The following TCP11L1 variants were observed in gnomAD, a reference collection of about 807,000 sequenced individuals.
The protein encoded by TCP11L1 is t-complex 11 like 1.
In TCP11L1, 28 loss-of-function variants were observed where a neutral mutation model predicts 48.9. The observed-to-expected ratio is 0.57, with a 90% confidence interval of 0.42 to 0.78. The LOEUF is 0.78. Ranked by LOEUF, TCP11L1 falls within the 30% of genes least tolerant of loss-of-function variation. The probability of loss-of-function intolerance (pLI) is 0.00; values close to 1 mark genes in which losing one functional copy is unlikely to be tolerated. For missense variants in TCP11L1, 505 were observed against 613.4 expected (o/e 0.82, Z 1.87); for synonymous variants, 204 against 231.9 (o/e 0.88, Z 1.09).
chr11:33,065,776 C>G, intron 7 of TCP11L1, 54 bp from the exon 8 acceptor site: 1 of 1,579,612 alleles, frequency 6.3e-7, no homozygotes, highest in Non-Finnish European at 8.6e-7. Flanking sequence ...CTCCCGCCCT[C>G]TGCTGGCCAA....
intron 7 of TCP11L1, among the ~76,000 whole-genome samples, chr11:33,063,360 A>G (rs576019156): frequency 1.2e-4 from 19 of 152,178 alleles, no homozygotes; most frequent in Admixed American, 2.0e-4. Flanking sequence ...GCTGGGTTAC[A>G]TGGTGACTCT....
chr11:33,060,374 A>T (rs915584878), intron 6 of TCP11L1, among the ~76,000 whole-genome samples: 38 of 152,176 alleles, frequency 2.5e-4, no homozygotes, highest in Non-Finnish European at 1.0e-4. Context: ...GAATATTATC[A>T]GCAGAAGAGA....
chr11:33,049,248 C>CAAAA (rs3078634), intron 2 of TCP11L1, among the ~76,000 whole-genome samples: 4 of 127,724 alleles, frequency 3.1e-5, no homozygotes, highest in Admixed American at 8.3e-5. Flanking sequence ...GACTCCGTCT[C>CAAAA]AAAAAAAAAA....
chr11:33,044,929 G>A (rs1853944745), intron 2 of TCP11L1, among the ~76,000 whole-genome samples: 1 of 152,260 alleles, frequency 6.6e-6, no homozygotes, highest in East Asian at 1.9e-4. Context: ...ATATTTCTTG[G>A]GGTAGCAGTA....
At chr11:33,039,870 C>G (rs1307421049) in intron 1 of TCP11L1, 78 bp downstream of exon 1, 1 of 152,450 alleles carries the variant, frequency 6.6e-6, no homozygotes, top group Non-Finnish European at 1.5e-5. Flanking sequence ...CATCTCTTCG[C>G]CTCTTCCCGT....
chr11:33,043,669 G>A lies in TCP11L1; in HGVS notation c.-24-81G>A. The A allele has an allele frequency of 2.4e-6, 3 of 1,240,972 alleles. No homozygotes were observed. In the South Asian group the frequency reaches 4.7e-5, roughly 19 times the overall value. 76.9% of individuals were successfully genotyped at this position (1,240,972 alleles called of 1,614,324 possible). A position where few individuals can be genotyped will look rare whatever the true frequency, so the allele number is the denominator to read the frequency against. On this transcript the variant is annotated intron_variant, in intron 1 of 9. Transcript: ENST00000334274. ...AAACTGAAACCCAAAGAGGTTAAAT[G>A]ATTTGCCCTGAGTCACATTGCTAGT...
At chr11:33,050,010 G>T (rs1016464937) in intron 2 of TCP11L1, among the ~76,000 whole-genome samples, 1 of 152,166 alleles carries the variant, frequency 6.6e-6, no homozygotes, top group African/African-American at 2.4e-5. Context: ...TTGTGTCCCT[G>T]GGTACTTGAG....
chr11:33,051,064 G>A (rs192932088), intron 2 of TCP11L1, among the ~76,000 whole-genome samples: 9 of 152,208 alleles, frequency 5.9e-5, no homozygotes, highest in Admixed American at 5.2e-4. Context: ...TTGCACCTTG[G>A]CCTCCCAAAG....
chr11:33,064,432 A>C (rs1430979568), intron 7 of TCP11L1, among the ~76,000 whole-genome samples: 1 of 152,202 alleles, frequency 6.6e-6, no homozygotes, highest in African/African-American at 2.4e-5. Flanking sequence ...GACAGCAAGA[A>C]AGGTCCTTAG....
intron 2 of TCP11L1, among the ~76,000 whole-genome samples, chr11:33,047,811 A>G (rs1204131476): frequency 6.6e-6 from 1 of 152,196 alleles, no homozygotes; most frequent in Non-Finnish European, 1.5e-5. Flanking sequence ...CAACAACATA[A>G]TAAGTACTAT....
chr11:33,042,169 T>C (rs7110751), intron 1 of TCP11L1, among the ~76,000 whole-genome samples: 128,817 of 151,922 alleles, frequency 0.85, 54,847 homozygotes, highest in Middle Eastern at 0.95. Flanking sequence ...CTCAGTCTGT[T>C]GCCCAGGCTG....
chr11:33,073,072 C>T lies in TCP11L1; in HGVS notation c.*396C>T, dbSNP rs769054800. The T allele has an allele frequency of 1.3e-5, 3 of 226,658 alleles. No individual in the cohort carries two copies. The highest frequency in any genetic ancestry group is 2.6e-5 in the Non-Finnish European group (3 of 113,336). The allele number at this position is 226,658 out of a possible 1,614,324, so 14.0% of individuals were successfully genotyped here. On this transcript the variant is annotated 3_prime_UTR_variant, in exon 10 of 10. Transcript: ENST00000334274. ...AGCGCAAAAGAGACCAAGCCATGGC[C>T]TCACCTCCTGCCCTCCCTCAGACAG...
intron 1 of TCP11L1, among the ~76,000 whole-genome samples, chr11:33,042,119 A>AG (rs1043206231): frequency 6.6e-6 from 1 of 151,820 alleles, no homozygotes; most frequent in African/African-American, 2.4e-5. Flanking sequence ...TAATTAAAAC[A>AG]GGGTTTTTTT....
At chr11:33,054,787 G>A (rs1171588472) in intron 3 of TCP11L1, 62 bp downstream of exon 3, 6 of 1,537,092 alleles carry the variant, frequency 3.9e-6, no homozygotes, top group Non-Finnish European at 5.3e-6. Context: ...TTTTGAAAAT[G>A]TTTCCTTCAG....
At chr11:33,047,327 T>C (rs1854028100) in intron 2 of TCP11L1, among the ~76,000 whole-genome samples, 1 of 152,132 alleles carries the variant, frequency 6.6e-6, no homozygotes, top group Non-Finnish European at 1.5e-5. Context: ...GGTGATTTGA[T>C]TGTAAAAGAT....
In TCP11L1 at chr11:33,044,048, T is replaced by C. The variant is rs1344806752; in HGVS notation, c.163+112T>C. 3.6e-6 allele frequency: 4 copies of C among 1,105,738 alleles called. No homozygotes were observed. In the African/African-American group the frequency reaches 4.8e-5, roughly 13 times the overall value. 68.5% of individuals were successfully genotyped at this position (1,105,738 alleles called of 1,614,324 possible). A position where few individuals can be genotyped will look rare whatever the true frequency, so the allele number is the denominator to read the frequency against. ...GAGCTAGGTTCTAATAATATAACAT[T>C]GCCAATGTAGCATTTAGGAATAATA... On this transcript the variant is annotated intron_variant, in intron 2 of 9. Transcript: ENST00000334274.
intron 7 of TCP11L1, 115 bp from the exon 8 acceptor site, chr11:33,065,715 C>T (rs965875392): frequency 7.1e-5 from 84 of 1,186,650 alleles, no homozygotes; most frequent in Non-Finnish European, 8.8e-5. Context: ...CTCTGACACA[C>T]TAGCGCAAAC....
intron 2 of TCP11L1, among the ~76,000 whole-genome samples, chr11:33,048,827 G>C (rs1854073202): frequency 6.6e-6 from 1 of 152,154 alleles, no homozygotes; most frequent in African/African-American, 2.4e-5. Flanking sequence ...TAAGTGACTT[G>C]TTCAAGGCCG....
chr11:33,065,753 G>A, intron 7 of TCP11L1, 77 bp from the exon 8 acceptor site: 3 of 1,505,468 alleles, frequency 2.0e-6, no homozygotes, highest in Non-Finnish European at 1.8e-6. Context: ...AGGCAGGTGT[G>A]GGGGCTGTGG....
Sources: allele counts gnomAD v4.1 joint callset (sites outside exome capture counted in the v4.1 genomes callset), GRCh38; gene constraint gnomAD v4.1.1; transcripts MANE v1.5; gene names NCBI Gene and HGNC (gene_info 2026-07-23, HGNC 2026-07-21).